The following ADGRD2 variants were observed in gnomAD, a reference collection of about 807,000 sequenced individuals.
ADGRD2 encodes the protein adhesion G protein-coupled receptor D2, also known as G protein-coupled receptor PGR24.
Under a neutral mutation model 44.4 loss-of-function variants are expected in ADGRD2, and 71 were observed. That is an observed-to-expected ratio of 1.60 (90% CI 1.32 to 1.95). The LOEUF (loss-of-function observed/expected upper bound fraction) is 1.95. Ranked by LOEUF, ADGRD2 falls within the 30% of genes most tolerant of loss-of-function variation. The pLI, the probability that ADGRD2 is intolerant of heterozygous loss-of-function variation, is 0.00. For missense variants in ADGRD2, 1,039 were observed against 512.4 expected (o/e 2.03, Z -9.92); for synonymous variants, 481 against 224.8 (o/e 2.14, Z -10.19).
At chr9:124,458,340 C>T (rs1012026189) in intron 9 of ADGRD2, 104 bp downstream of exon 12, 9 of 646,420 alleles carry the variant, frequency 1.4e-5, no homozygotes, top group Non-Finnish European at 5.6e-6. Flanking sequence ...CAGCCCAGGG[C>T]CCACCCTTTC....
chr9:124,466,301 G>T, exon 11 of ADGRD2: 1 of 714,784 alleles, frequency 1.4e-6, no homozygotes, highest in Non-Finnish European at 2.6e-6. Flanking sequence ...TATACAGGGG[G>T]TGCCTGGGCC....
At chr9:124,470,388 A>G in intron 16 of ADGRD2, 106 bp from the exon 20 acceptor site, 1 of 615,142 alleles carries the variant, frequency 1.6e-6, no homozygotes, top group South Asian at 1.9e-5. Context: ...CCCGGCCCTC[A>G]GCTCCCACCC....
chr9:124,461,113 CA>C (rs988954665), intron 10 of ADGRD2, among the ~76,000 whole-genome samples: 1 of 152,188 alleles, frequency 6.6e-6, no homozygotes, highest in African/African-American at 2.4e-5. Context: ...TTCTTAAATG[CA>C]TCTTCAAATC....
chr9:124,451,063 G>C, upstream of ADGRD2: 1 of 472,038 alleles, frequency 2.1e-6, no homozygotes. Context: ...TGAACCTGGA[G>C]GTGGTACTAC....
intron 19 of ADGRD2, among the ~76,000 whole-genome samples, 187 bp downstream of exon 22, chr9:124,475,802 C>T (rs563186670): frequency 1.3e-5 from 2 of 152,300 alleles, no homozygotes; most frequent in Admixed American, 1.3e-4. Flanking sequence ...AGACACGTGG[C>T]TCTCAGAGGT....
At chr9:124,453,909 G>A (rs1831560302) in intron 3 of ADGRD2, 90 bp from the exon 7 acceptor site, 1 of 545,152 alleles carries the variant, frequency 1.8e-6, no homozygotes, top group Non-Finnish European at 3.3e-6. Flanking sequence ...CCCTCTCTCA[G>A]GTTTCACATT....
chr9:124,455,886 C>G (rs1347252414), intron 6 of ADGRD2, among the ~76,000 whole-genome samples: 2 of 152,112 alleles, frequency 1.3e-5, no homozygotes, highest in East Asian at 3.9e-4. Flanking sequence ...ATGAACAGTG[C>G]CTGCAAATTA....
intron 17 of ADGRD2, among the ~76,000 whole-genome samples, chr9:124,473,965 C>T (rs1274693093): frequency 5.3e-5 from 8 of 152,020 alleles, no homozygotes; most frequent in Non-Finnish European, 5.9e-5. Context: ...GAGTGGGGTC[C>T]TCAAAGCTGT....
Position 124,469,449 on chromosome 9 carries a change from G to T in ADGRD2, c.2541G>T (p.Leu847=), listed in dbSNP as rs372306489. The change falls in exon 16 of 22, where the codon CTG becomes CTT. Residue 847 remains leucine, a synonymous_variant. Coordinates refer to ENST00000334810, the Ensembl canonical transcript of ADGRD2. The stretch of plus-strand genomic sequence containing the variant: ...GTCTCCAGGCCAACACCTGCATCCT[G>T]GCCCGTGTGGTAATGATCACCGTGT... 14 of 718,086 alleles carry T rather than the reference G, an allele frequency of 1.9e-5. 1 individual carries two copies. In the African/African-American group the frequency reaches 2.1e-4, roughly 11 times the overall value. 44.5% of individuals were successfully genotyped at this position (718,086 alleles called of 1,614,324 possible).
upstream of ADGRD2, chr9:124,451,997 G>GCCCT: frequency 5.5e-6 from 2 of 360,938 alleles, no homozygotes; most frequent in Non-Finnish European, 1.1e-5. Context: ...TCCACTGAAT[G>GCCCT]CCCCCCTCCC....
intron 16 of ADGRD2, 95 bp downstream of exon 19, chr9:124,469,642 C>T (rs1831907762): frequency 1.5e-6 from 1 of 685,414 alleles, no homozygotes. Flanking sequence ...ACGTGCGAGT[C>T]TGTGTCCAGA....
chr9:124,476,526 C>T (rs1459322400), intron 20 of ADGRD2, 111 bp downstream of exon 23: 20 of 637,426 alleles, frequency 3.1e-5, no homozygotes, highest in East Asian at 8.2e-5. Flanking sequence ...GGGGGCTTCC[C>T]GGGGATCTGT....
chr9:124,472,903 G>A (rs894509634), intron 17 of ADGRD2, among the ~76,000 whole-genome samples: 10 of 152,198 alleles, frequency 6.6e-5, no homozygotes, highest in Non-Finnish European at 1.0e-4. Flanking sequence ...CCCTTGGGAC[G>A]GTCACCCGGT....
chr9:124,451,533 A>G, upstream of ADGRD2: 2 of 324,336 alleles, frequency 6.2e-6, no homozygotes, highest in Admixed American at 8.6e-5. Context: ...AACAAAGGGC[A>G]AACGGACCCT....
rs1831569849 is a variant in ADGRD2 at position 124,454,254 on chromosome 9, C to G, written c.1022+157C>G. 6.6e-6 allele frequency among the ~76,000 whole-genome samples: 1 copy of G among 152,230 alleles called. No individual in the cohort carries two copies. The highest frequency in any genetic ancestry group is 1.5e-5 in the Non-Finnish European group (1 of 68,040). On this transcript the variant is annotated intron_variant, in intron 4 of 21. Coordinates refer to ENST00000334810, the Ensembl canonical transcript of ADGRD2. The surrounding 1 kb of genome is among the most constrained non-coding windows in gnomAD (Gnocchi z 4.5). ...AGTCTAGGCCACAGAGCAGTGGGTC[C>G]AGACGGACCTAAGGGTGAATCGAAA...
intron 21 of ADGRD2, among the ~76,000 whole-genome samples, chr9:124,477,976 C>T (rs929383761): frequency 4.6e-5 from 7 of 152,176 alleles, no homozygotes; most frequent in African/African-American, 1.7e-4. Flanking sequence ...CCCCACCCGG[C>T]CCGGCTCTCC....
At position 124,454,218 on chromosome 9, in the gene ADGRD2, G is replaced by C. The variant is rs538407960; in HGVS notation, c.1022+121G>C. ...ATTCAGAATAAACTCAGAGCTTCAA[G>C]GTCTCCATGGAGTCTAGGCCACAGA... On this transcript the variant is annotated intron_variant, in intron 4 of 21. Coordinates refer to ENST00000334810, the Ensembl canonical transcript of ADGRD2. The surrounding 1 kb of genome is among the most constrained non-coding windows in gnomAD (Gnocchi z 4.5). The C allele has an allele frequency of 1.7e-6, 1 of 599,004 alleles. No homozygotes were observed. The highest frequency in any genetic ancestry group is 2.8e-5 in the East Asian group (1 of 36,050). 37.1% of individuals were successfully genotyped at this position (599,004 alleles called of 1,614,324 possible).
intron 20 of ADGRD2, 63 bp downstream of exon 23, chr9:124,476,478 A>G: frequency 1.5e-6 from 1 of 678,618 alleles, no homozygotes; most frequent in Non-Finnish European, 2.7e-6. Context: ...GCCAGCAGGC[A>G]AAGTCGGGAA....
At chr9:124,452,960 G>A (rs1378764126) in intron 2 of ADGRD2, 75 bp from the exon 6 acceptor site, 4 of 605,952 alleles carry the variant, frequency 6.6e-6, no homozygotes, top group South Asian at 3.9e-5. Context: ...GGACCCCACC[G>A]CTGAGCCAAA....
Sources: allele counts gnomAD v4.1 joint callset (sites outside exome capture counted in the v4.1 genomes callset), GRCh38; gene constraint gnomAD v4.1.1; non-coding constraint Gnocchi (gnomAD v3.1); transcripts MANE v1.5; gene names NCBI Gene and HGNC (gene_info 2026-07-23, HGNC 2026-07-21).